The following SMIM31 variants were observed in gnomAD, a reference collection of about 807,000 sequenced individuals.
SMIM31 encodes human epithelial cell program regulator.
chr4:164,767,789 G>A (rs949852971), intron 1 of SMIM31, among the ~76,000 whole-genome samples: 11 of 152,140 alleles, frequency 7.2e-5, no homozygotes, highest in African/African-American at 2.4e-4. Flanking sequence ...GAAGGTAGTC[G>A]GGTTCCAAGT....
intron 2 of SMIM31, among the ~76,000 whole-genome samples, chr4:164,783,251 C>T (rs193297577): frequency 7.4e-4 from 106 of 144,210 alleles, no homozygotes; most frequent in African/African-American, 2.6e-3. Context: ...TGGCCGGGTG[C>T]TGTGGCTCAC....
intron 2 of SMIM31, among the ~76,000 whole-genome samples, chr4:164,784,679 G>A (rs1295208950): frequency 6.6e-6 from 1 of 152,062 alleles, no homozygotes; most frequent in Non-Finnish European, 1.5e-5. Context: ...CCTAGGTTTG[G>A]GAATCCTGGG....
At chr4:164,793,209 C>T (rs780505515) in intron 2 of SMIM31, among the ~76,000 whole-genome samples, 12 of 152,080 alleles carry the variant, frequency 7.9e-5, no homozygotes, top group Admixed American at 3.3e-4. Flanking sequence ...TGGAGACTAA[C>T]GGAGTGAGGA....
At chr4:164,785,459 A>C (rs6833890) in intron 2 of SMIM31, among the ~76,000 whole-genome samples, 92,576 of 151,388 alleles carry the variant, frequency 0.61, 29,362 homozygotes, top group African/African-American at 0.78. Context: ...GGAGATAACA[A>C]CACGTATCAA....
intron 1 of SMIM31, among the ~76,000 whole-genome samples, chr4:164,758,911 G>T (rs1732609534): frequency 7.4e-6 from 1 of 135,312 alleles, no homozygotes; most frequent in African/African-American, 2.7e-5. Context: ...CTCGTGATCT[G>T]CCCGCCTCAG....
intron 2 of SMIM31, among the ~76,000 whole-genome samples, chr4:164,797,625 G>A (rs1055139147): frequency 1.3e-5 from 2 of 151,778 alleles, no homozygotes; most frequent in Admixed American, 1.3e-4. Context: ...CACCATGCCC[G>A]GCCAATTTTT....
intron 1 of SMIM31, among the ~76,000 whole-genome samples, chr4:164,761,857 A>T (rs979286336): frequency 2.0e-5 from 3 of 151,822 alleles, no homozygotes; most frequent in African/African-American, 7.3e-5. Context: ...CGGGAAGGGG[A>T]GGTTGAAGTG....
intron 2 of SMIM31, among the ~76,000 whole-genome samples, chr4:164,778,895 G>A (rs980857865): frequency 2.6e-5 from 4 of 151,630 alleles, no homozygotes; most frequent in Admixed American, 6.6e-5. Flanking sequence ...CTGATGATCC[G>A]CCATGTTTAC....
intron 1 of SMIM31, among the ~76,000 whole-genome samples, chr4:164,765,924 C>T (rs1732714664): frequency 6.6e-6 from 1 of 152,130 alleles, no homozygotes; most frequent in South Asian, 2.1e-4. Context: ...GTCCCCTTGG[C>T]CCTTGATGCA....
chr4:164,793,391 A>G (rs1172163697), intron 2 of SMIM31, among the ~76,000 whole-genome samples: 1 of 152,202 alleles, frequency 6.6e-6, no homozygotes, highest in Non-Finnish European at 1.5e-5. Context: ...AAAAAACTAG[A>G]TATCCACATA....
At chr4:164,762,664 AAAAAAAAAAAAAAAAAAAAG>A (rs1010306972) in intron 1 of SMIM31, among the ~76,000 whole-genome samples, 35 of 29,834 alleles carry the variant, frequency 1.2e-3, no homozygotes, top group Non-Finnish European at 3.1e-3. Flanking sequence ...CTCTGTCTCA[AAAAAAAAAAAAAAAAAAAAG>A]AAAAAGAAAA....
intron 2 of SMIM31, among the ~76,000 whole-genome samples, chr4:164,782,460 G>A (rs1285061368): frequency 7.2e-6 from 1 of 139,564 alleles, no homozygotes; most frequent in Non-Finnish European, 1.5e-5. Context: ...CTCACTGCAA[G>A]CTCCGCTTCC....
chr4:164,800,929 C>G (rs994457557), intron 2 of SMIM31, among the ~76,000 whole-genome samples, 162 bp from the exon 3 acceptor site: 4 of 152,208 alleles, frequency 2.6e-5, no homozygotes, highest in African/African-American at 9.6e-5. Context: ...CAAATGTCCT[C>G]TCATCCTTGC....
chr4:164,754,151 CA>C lies in SMIM31; in HGVS notation c.-284del, dbSNP rs1293984029. ...TTCCTGTTTCCTTCTTGATCCTTCA[CA>C]AGGGAAGATTTTCTTTTTTAGAGGT... On this transcript the variant is annotated 5_prime_UTR_variant, in exon 1 of 3. Transcript: ENST00000507311. 1.3e-5 allele frequency: 2 copies of C among 152,182 alleles called. No individual in the cohort carries two copies. Among genetic ancestry groups the C allele is most frequent in the Non-Finnish European group, 2.9e-5 (2 of 68,040 alleles). The allele number at this position is 152,182 out of a possible 1,614,324, so 9.4% of individuals were successfully genotyped here. A position where few individuals can be genotyped will look rare whatever the true frequency, so the allele number is the denominator to read the frequency against.
intron 2 of SMIM31, among the ~76,000 whole-genome samples, chr4:164,782,386 T>A (rs1343456354): frequency 2.0e-5 from 3 of 146,968 alleles, no homozygotes; most frequent in Non-Finnish European, 3.0e-5. Context: ...TATTTTTTTT[T>A]TTTTTTTTTT....
chr4:164,777,744 G>A (rs1011231529), intron 2 of SMIM31, among the ~76,000 whole-genome samples: 1 of 152,206 alleles, frequency 6.6e-6, no homozygotes, highest in Non-Finnish European at 1.5e-5. Flanking sequence ...TAACTGCCAG[G>A]TGAACAGTCT....
intron 2 of SMIM31, among the ~76,000 whole-genome samples, chr4:164,798,224 A>ATTT (rs1370282043): frequency 1.8e-3 from 151 of 85,810 alleles, no homozygotes; most frequent in African/African-American, 5.6e-3. Flanking sequence ...TGATATAATG[A>ATTT]TTTTTATTTT....
chr4:164,791,293 G>A (rs764027577), intron 2 of SMIM31, among the ~76,000 whole-genome samples: 3 of 152,120 alleles, frequency 2.0e-5, no homozygotes, highest in Non-Finnish European at 4.4e-5. Flanking sequence ...AAGACATGAT[G>A]TATCACTGTT....
Position 164,783,785 on chromosome 4 carries a change from A to G in SMIM31, c.112+13230A>G, listed in dbSNP as rs538847054. 2.0e-5 allele frequency among the ~76,000 whole-genome samples: 3 copies of G among 152,222 alleles called. No homozygotes were observed. In the South Asian group the frequency reaches 6.2e-4, roughly 32 times the overall value. Reference sequence around the variant, plus strand: ...TCTCTGAAAAAATAAATACATACACACATAAAAAGAAAAATATGTGATATA... The same window carrying G: ...TCTCTGAAAAAATAAATACATACACGCATAAAAAGAAAAATATGTGATATA... On this transcript the variant is annotated intron_variant, in intron 2 of 2. Transcript: ENST00000507311.
Sources: gnomAD v4.1 joint callset for allele counts (sites outside exome capture counted in the v4.1 genomes callset) on GRCh38, gnomAD v4.1.1 for gene constraint, MANE v1.5 for transcripts, NCBI Gene and HGNC (gene_info 2026-07-23, HGNC 2026-07-21) for gene names.